Variants in DDX60L observed in about 807,000 individuals in gnomAD.
DDX60L encodes the protein probable ATP-dependent RNA helicase DDX60-like.
In DDX60L, 191 loss-of-function variants were observed where a neutral mutation model predicts 211.6. That is an observed-to-expected ratio of 0.90 (90% CI 0.80 to 1.02). DDX60L has a LOEUF of 1.02. DDX60L is among the 50% of genes least tolerant of loss of function. DDX60L has a pLI of 0.00. For synonymous variants in DDX60L, 706 were observed against 694.1 expected, an observed-to-expected ratio of 1.02 and a Z score of -0.27; for missense variants, 2,007 against 1,984.1, an observed-to-expected ratio of 1.01 and a Z score of -0.22.
chr4:168,368,898 T>A (rs537357617), intron 36 of DDX60L, among the ~76,000 whole-genome samples: 1 of 152,342 alleles, frequency 6.6e-6, no homozygotes, highest in Admixed American at 6.5e-5. Context: ...AATGGCTGTA[T>A]TTACCCAATC....
At chr4:168,446,080 A>G (rs1449551937) in intron 9 of DDX60L, among the ~76,000 whole-genome samples, 1 of 151,002 alleles carries the variant, frequency 6.6e-6, no homozygotes, top group Non-Finnish European at 1.5e-5. Flanking sequence ...GGAAAAGAGG[A>G]AGTCAAATTG....
At chr4:168,458,099 A>C in intron 5 of DDX60L, 91 bp from the exon 6 acceptor site, 1 of 681,382 alleles carries the variant, frequency 1.5e-6, no homozygotes, top group Non-Finnish European at 2.4e-6. Context: ...CAAAACCACA[A>C]TGAGATATTA....
At chr4:168,380,630 G>A (rs1310678078) in intron 30 of DDX60L, 3 of 152,144 alleles carry the variant, frequency 2.0e-5, no homozygotes, top group African/African-American at 7.2e-5. Context: ...TCTCTGTATA[G>A]CAGCGTGAGA....
rs183713309 is a variant in DDX60L, at chr4:168,448,034, A to T, written c.1138+604T>A. Among the ~76,000 whole-genome samples the T allele has an allele frequency of 3.3e-3, 502 of 152,286 alleles. 3 individuals carry two copies. Among genetic ancestry groups the T allele is most frequent in the Non-Finnish European group, 4.2e-3 (285 of 68,016 alleles). On this transcript the variant is annotated intron_variant, in intron 9 of 37. Coordinates refer to ENST00000682922, the MANE Select transcript of DDX60L (RefSeq NM_001012967.3). Reference sequence around the variant, plus strand: ...CCTAAAACTTAAAGTATAATAAAAAAAAAAGGAGTTTACAGAATATGGAGA... The same window carrying T: ...CCTAAAACTTAAAGTATAATAAAAATAAAAGGAGTTTACAGAATATGGAGA...
chr4:168,428,320 C>T (rs1751795204), intron 13 of DDX60L, among the ~76,000 whole-genome samples: 1 of 152,098 alleles, frequency 6.6e-6, no homozygotes, highest in African/African-American at 2.4e-5. Flanking sequence ...AAGAAACCTA[C>T]AGTGTAATCA....
chr4:168,465,165 G>A (rs935194506), intron 4 of DDX60L, among the ~76,000 whole-genome samples: 22 of 134,554 alleles, frequency 1.6e-4, no homozygotes, highest in Non-Finnish European at 5.0e-5. Flanking sequence ...TTTTTTTTTT[G>A]TCTTTTTGAC....
At chr4:168,396,349 T>C (rs1745789132) in intron 26 of DDX60L, among the ~76,000 whole-genome samples, 1 of 152,092 alleles carries the variant, frequency 6.6e-6, no homozygotes, top group South Asian at 2.1e-4. Context: ...TTTCTCTGCA[T>C]AATTTCTCCT....
intron 9 of DDX60L, among the ~76,000 whole-genome samples, chr4:168,442,685 C>G (rs200839660): frequency 0.29 from 42,838 of 150,228 alleles, 7,560 homozygotes; most frequent in East Asian, 0.61. Flanking sequence ...GATCTGAGAA[C>G]GGGCAGACTG....
At chr4:168,422,795 A>G in intron 15 of DDX60L, 125 bp from the exon 16 acceptor site, 3 of 750,534 alleles carry the variant, frequency 4.0e-6, no homozygotes, top group Non-Finnish European at 6.3e-6. Flanking sequence ...TATTTTTTTG[A>G]GACAGGGTCT....
chr4:168,404,532 T>C (rs10780067), intron 24 of DDX60L, among the ~76,000 whole-genome samples: 87,883 of 151,858 alleles, frequency 0.58, 25,554 homozygotes, highest in Middle Eastern at 0.65. Context: ...GAAAAAGTTT[T>C]AACTATGTCT....
intron 9 of DDX60L, 101 bp downstream of exon 9, chr4:168,448,537 T>C (rs1755170680): frequency 5.6e-6 from 5 of 888,312 alleles, no homozygotes; most frequent in Non-Finnish European, 8.5e-6. Context: ...ACACAAAGGT[T>C]TTCAAGAAAC....
rs73863330 is a variant in DDX60L, at chr4:168,421,775, G to A, written c.2379C>T (p.Tyr793=). The change falls in exon 17 of 38, where the codon TAC becomes TAT. Residue 793 remains tyrosine (Y), a synonymous_variant. Transcript: ENST00000682922. ...LRESDVGVVV[Y]VAPAKSLVGQ... Reference sequence around the variant, plus strand: ...CAAACACTACCTTTGCGGGTGCAACGTACACAACCACCCCGACATCGCTCT... The same window carrying A: ...CAAACACTACCTTTGCGGGTGCAACATACACAACCACCCCGACATCGCTCT... The A allele has an allele frequency of 1.5e-3, 2,463 of 1,614,036 alleles. 24 individuals carry two copies. The highest frequency in any genetic ancestry group is 0.015 in the African/African-American group (1,112 of 75,010).
intron 23 of DDX60L, among the ~76,000 whole-genome samples, chr4:168,406,293 T>C (rs1561003299): frequency 1.3e-5 from 2 of 152,188 alleles, no homozygotes; most frequent in East Asian, 3.9e-4. Context: ...AGGGCACAGC[T>C]GATGAAAAGA....
At chr4:168,471,583 T>C in intron 4 of DDX60L, 164 bp downstream of exon 4, 1 of 499,596 alleles carries the variant, frequency 2.0e-6, no homozygotes. Context: ...TAAAGAATGG[T>C]TATCTCTGAG....
intron 34 of DDX60L, 29 bp downstream of exon 34, chr4:168,375,348 G>C (rs1277669420): frequency 1.2e-6 from 2 of 1,600,796 alleles, no homozygotes; most frequent in East Asian, 2.2e-5. Flanking sequence ...TCTTTAAATT[G>C]TTCCGGAATG....
At chr4:168,423,296 T>C (rs956607054) in intron 15 of DDX60L, among the ~76,000 whole-genome samples, 1 of 152,088 alleles carries the variant, frequency 6.6e-6, no homozygotes, top group Admixed American at 6.6e-5. Flanking sequence ...AGTTTTTAGA[T>C]TGCACTAGAA....
intron 5 of DDX60L, among the ~76,000 whole-genome samples, chr4:168,459,142 T>C (rs557340646): frequency 1.8e-4 from 27 of 152,132 alleles, no homozygotes; most frequent in African/African-American, 5.5e-4. Flanking sequence ...GAAATACTTA[T>C]AGATAATGAA....
At chr4:168,449,662 A>G (rs1169803516) in intron 8 of DDX60L, among the ~76,000 whole-genome samples, 1 of 83,538 alleles carries the variant, frequency 1.2e-5, no homozygotes, top group African/African-American at 4.0e-5. Flanking sequence ...CAAAAAAAAA[A>G]AAAGAAAAAA....
At position 168,415,475 on chromosome 4, in the gene DDX60L, C is replaced by T. The variant is rs1210414106; in HGVS notation, c.2912G>A (p.Cys971Tyr). 6.2e-7 allele frequency: 1 copy of T among 1,605,146 alleles called. No individual in the cohort carries two copies. The highest frequency in any genetic ancestry group is 1.7e-5 in the Admixed American group (1 of 59,420). The change falls in exon 22 of 38, where the codon TGT (cysteine) becomes TAT (tyrosine). Residue 971 changes from cysteine (C) to tyrosine (Y), a missense_variant. Coordinates refer to ENST00000682922, the MANE Select transcript of DDX60L (RefSeq NM_001012967.3). ...ERYNDLEKHICSVKHDDVYFD... is the reference protein window; with the variant it reads ...ERYNDLEKHIYSVKHDDVYFD... ...ATAAACATCATCATGTTTTACTGAA[C>T]ATATATGCTTCTCTAAATCATTGTA... is the stretch of plus-strand genomic sequence containing the variant.
Sources: gnomAD v4.1 joint callset for allele counts (sites outside exome capture counted in the v4.1 genomes callset) on GRCh38, gnomAD v4.1.1 for gene constraint, MANE v1.5 for transcripts, NCBI Gene and HGNC (gene_info 2026-07-23, HGNC 2026-07-21) for gene names.